The following HGSNAT variants were observed in gnomAD, a reference collection of about 807,000 sequenced individuals.
HGSNAT encodes transmembrane protein 76.
A neutral mutation model predicts 85.2 loss-of-function variants in HGSNAT; 59 were observed. That is an observed-to-expected ratio of 0.69 (90% CI 0.56 to 0.86). HGSNAT has a LOEUF of 0.86. HGSNAT is among the 40% of genes least tolerant of loss of function. The probability of loss-of-function intolerance (pLI) is 0.00; values close to 1 mark genes in which losing one functional copy is unlikely to be tolerated. For missense variants in HGSNAT, 756 were observed against 777.1 expected, an observed-to-expected ratio of 0.97 and a Z score of 0.32; for synonymous variants, 321 against 304.5, an observed-to-expected ratio of 1.05 and a Z score of -0.56.
At chr8:43,146,860 G>C in intron 1 of HGSNAT, 88 bp from the exon 2 acceptor site, 1 of 712,296 alleles carries the variant, frequency 1.4e-6, no homozygotes. Flanking sequence ...ACTACTGGAA[G>C]CAACTGTTCA....
In HGSNAT at chr8:43,158,667, T is replaced by C; in HGVS notation, c.327T>C (p.Ser109=). The C allele has an allele frequency of 6.2e-7, 1 of 1,613,492 alleles. No homozygotes were observed. The highest frequency in any genetic ancestry group is 8.5e-7 in the Non-Finnish European group (1 of 1,179,588). The part of the protein sequence containing the change: ...AAASVSTQHG[S]ILQLNDTLEE... ...CCTCTGTCAGCACCCAGCACGGATC[T>C]ATCCTGCAGCTGAACGACACCTTGG... The change falls in exon 3 of 18, where the codon TCT becomes TCC. Residue 109 remains serine (S), a synonymous_variant. Coordinates refer to ENST00000379644, the MANE Select transcript of HGSNAT (RefSeq NM_152419.3).
chr8:43,188,234 G>T (rs1236402239), intron 11 of HGSNAT, among the ~76,000 whole-genome samples: 1 of 152,180 alleles, frequency 6.6e-6, no homozygotes, highest in East Asian at 1.9e-4. Context: ...ATCCTGAAGA[G>T]TTTTTTCCGA....
At chr8:43,181,082 GGA>G (rs1804080501) in intron 10 of HGSNAT, among the ~76,000 whole-genome samples, 2 of 92,342 alleles carry the variant, frequency 2.2e-5, no homozygotes, top group Middle Eastern at 4.3e-3. Flanking sequence ...GGGAGACCGT[GGA>G]GGGAGAGGGA....
intron 9 of HGSNAT, 26 bp downstream of exon 9, chr8:43,173,769 C>A (rs772309382): frequency 3.7e-6 from 6 of 1,607,064 alleles, no homozygotes; most frequent in Non-Finnish European, 5.1e-6. Context: ...GCCCTCTTCT[C>A]TTCCACGGGT....
chr8:43,199,438 T>C lies in HGSNAT; in HGVS notation c.1777T>C (p.Phe593Leu). Residue 593 changes from phenylalanine (F) to leucine (L), a missense_variant, in exon 18 of 18, where the codon TTC becomes CTC. Physicochemically the swap from Phe to Leu is conservative, Grantham distance 22. Transcript: ENST00000379644. ...YVGHEVFENYFPFQWKLKDNQ... is the reference protein window; with the variant it reads ...YVGHEVFENYLPFQWKLKDNQ... ...CGGCCACGAGGTGTTTGAGAACTAC[T>C]TCCCCTTTCAGTGGAAGCTGAAGGA... The C allele has an allele frequency of 6.2e-7, 1 of 1,610,826 alleles. No homozygotes were observed. The highest frequency in any genetic ancestry group is 8.5e-7 in the Non-Finnish European group (1 of 1,178,504).
At chr8:43,176,428 C>T (rs1194715485) in intron 9 of HGSNAT, among the ~76,000 whole-genome samples, 1 of 152,150 alleles carries the variant, frequency 6.6e-6, no homozygotes, top group Non-Finnish European at 1.5e-5. Flanking sequence ...ATGCCACTAC[C>T]ATGCTGTTTT....
At chr8:43,183,346 T>C (rs1443460549) in intron 11 of HGSNAT, among the ~76,000 whole-genome samples, 1 of 152,086 alleles carries the variant, frequency 6.6e-6, no homozygotes, top group Non-Finnish European at 1.5e-5. Context: ...ATTGTATTTA[T>C]TGTAGAGACG....
rs529046858 is a variant in HGSNAT at position 43,199,330 on chromosome 8, T to C, written c.1727-58T>C. On this transcript the variant is annotated intron_variant, in intron 17 of 17. Transcript: ENST00000379644. Reference sequence around the variant, plus strand: ...GAACTGGTTTCAAGAATTAAATAGATGGTTAGATGTGACTCATCTGTGAGA... The same window carrying C: ...GAACTGGTTTCAAGAATTAAATAGACGGTTAGATGTGACTCATCTGTGAGA... 5.8e-5 allele frequency: 70 copies of C among 1,201,614 alleles called. 2 individuals are homozygous for C. In the Admixed American group the frequency reaches 1.1e-3, roughly 19 times the overall value. The allele number at this position is 1,201,614 out of a possible 1,614,324, so 74.4% of individuals were successfully genotyped here.
intron 4 of HGSNAT, among the ~76,000 whole-genome samples, chr8:43,160,890 G>T (rs191246065): frequency 6.6e-6 from 1 of 152,124 alleles, no homozygotes; most frequent in Non-Finnish European, 1.5e-5. Context: ...ATGTCTGGTT[G>T]TTTTGTCAAC....
chr8:43,190,194 A>G lies in HGSNAT; in HGVS notation c.1129-1280A>G, dbSNP rs552365712. On this transcript the variant is annotated intron_variant, in intron 11 of 17. Transcript: ENST00000379644. ...ACTTCCTCTCTTACTATAAATTGCT[A>G]GGTGGAGTTCACTCAGGTGACAGTT... Among the ~76,000 whole-genome samples the G allele has an allele frequency of 2.6e-5, 4 of 152,312 alleles. No homozygotes were observed. The East Asian group carries it at 5.8e-4, about 22-fold the overall frequency.
chr8:43,179,466 G>A lies in HGSNAT; in HGVS notation c.1012+1232G>A, dbSNP rs1433681007. ...CGGGCAGAGGCGCCCCTCACCTCCCGGACGGGGCGGCCGGCCGGAAGGGGG... is the reference window on the plus strand; with the variant it reads ...CGGGCAGAGGCGCCCCTCACCTCCCAGACGGGGCGGCCGGCCGGAAGGGGG... On this transcript the variant is annotated intron_variant, in intron 10 of 17. Coordinates refer to ENST00000379644, the MANE Select transcript of HGSNAT (RefSeq NM_152419.3). Among the ~76,000 whole-genome samples the A allele has an allele frequency of 1.8e-4, 20 of 110,710 alleles. No homozygotes were observed. The East Asian group carries it at 2.0e-3, about 11-fold the overall frequency. 72.6% of individuals were successfully genotyped at this position (110,710 alleles called of 152,430 possible).
At position 43,158,599 on chromosome 8, in the gene HGSNAT, G is replaced by A. The variant is rs374287774; in HGVS notation, c.259G>A (p.Val87Ile). ...GTGCTTGTTTCAGGTTCTGGTAAACGTTCCTCAGAGTCCAAAAGCAGGGAA... is the reference window on the plus strand; with the variant it reads ...GTGCTTGTTTCAGGTTCTGGTAAACATTCCTCAGAGTCCAAAAGCAGGGAA... The part of the protein sequence containing the change: ...YHCLFQVLVN[V>I]PQSPKAGKPS... Residue 87 changes from valine (V) to isoleucine (I), a missense_variant, in exon 3 of 18, where the codon GTT becomes ATT. Physicochemically the swap from Val to Ile is conservative, Grantham distance 29. Coordinates refer to ENST00000379644, the MANE Select transcript of HGSNAT (RefSeq NM_152419.3). The A allele has an allele frequency of 1.8e-5, 29 of 1,613,750 alleles. No homozygotes were observed. The East Asian group carries it at 3.1e-4, about 17-fold the overall frequency.
rs572586901 is a variant in HGSNAT at position 43,154,716 on chromosome 8, A to G, written c.235-3859A>G. On this transcript the variant is annotated intron_variant, in intron 2 of 17. Transcript: ENST00000379644. ...TTCCTTTGGGTAATCCAGTAAAGGG[A>G]TGGCTGGGTCAAATGGTATTTCTAG... Among the ~76,000 whole-genome samples the G allele has an allele frequency of 2.0e-5, 3 of 152,280 alleles. No individual in the cohort carries two copies. The East Asian group carries it at 5.8e-4, about 29-fold the overall frequency.
Position 43,202,837 on chromosome 8 carries a change from A to G in HGSNAT, c.*3268A>G, listed in dbSNP as rs534903344. 6.6e-6 allele frequency: 1 copy of G among 152,372 alleles called. No individual in the cohort carries two copies. The highest frequency in any genetic ancestry group is 1.5e-5 in the Non-Finnish European group (1 of 68,030). 9.4% of individuals were successfully genotyped at this position (152,372 alleles called of 1,614,324 possible). On this transcript the variant is annotated 3_prime_UTR_variant, in exon 18 of 18. Transcript: ENST00000379644. ...GGGGGAGACAAATGGACTTTGAGTA[A>G]ATTTCTTAGCATATCAAACTGCCTT...
chr8:43,190,964 A>C (rs1215772334), intron 11 of HGSNAT, among the ~76,000 whole-genome samples: 1 of 152,064 alleles, frequency 6.6e-6, no homozygotes, highest in Non-Finnish European at 1.5e-5. Flanking sequence ...GTCTCTACAC[A>C]TGTACCTGCT....
At chr8:43,155,683 T>G (rs766730699) in intron 2 of HGSNAT, among the ~76,000 whole-genome samples, 16 of 152,186 alleles carry the variant, frequency 1.1e-4, no homozygotes, top group Non-Finnish European at 1.5e-4. Flanking sequence ...TTCTAGTAGT[T>G]TCATAGTTTC....
At chr8:43,151,616 C>T (rs946164614) in intron 2 of HGSNAT, among the ~76,000 whole-genome samples, 1 of 151,998 alleles carries the variant, frequency 6.6e-6, no homozygotes. Context: ...TGTATTCTAC[C>T]TCATACTTCT....
chr8:43,162,849 C>T (rs1325043352), intron 5 of HGSNAT, among the ~76,000 whole-genome samples: 5 of 151,990 alleles, frequency 3.3e-5, no homozygotes, highest in Non-Finnish European at 5.9e-5. Flanking sequence ...GGATTATAGG[C>T]ATGAGTCACC....
rs200447562 is a variant in HGSNAT at position 43,193,111 on chromosome 8, TC to T, written c.1378-643del. Among the ~76,000 whole-genome samples, 1,247 of 152,258 alleles carry T rather than the reference TC, an allele frequency of 8.2e-3. 18 individuals carry two copies. The highest frequency in any genetic ancestry group is 0.028 in the African/African-American group (1,165 of 41,552). ...CGGAAGGCCCCCTGCAGAAGGCTGA[TC>T]CCTGGAGAGGTAGCTCTCTTTAGTC... On this transcript the variant is annotated intron_variant, in intron 13 of 17. Coordinates refer to ENST00000379644, the MANE Select transcript of HGSNAT (RefSeq NM_152419.3).
Sources: allele counts gnomAD v4.1 joint callset (sites outside exome capture counted in the v4.1 genomes callset), GRCh38; gene constraint gnomAD v4.1.1; transcripts MANE v1.5; gene names NCBI Gene and HGNC (gene_info 2026-07-23, HGNC 2026-07-21).